Variants in CNTN5 observed in about 807,000 individuals in gnomAD.
CNTN5 encodes the protein contactin-5.
A neutral mutation model predicts 129.1 loss-of-function variants in CNTN5; 77 were observed. The observed-to-expected ratio is 0.60, with a 90% CI of 0.50 to 0.72. The LOEUF is 0.72. Ranked by LOEUF, CNTN5 falls within the 30% of genes least tolerant of loss-of-function variation. The pLI is 0.00. For missense variants in CNTN5, 1,478 were observed against 1,328.8 expected (o/e 1.11, Z -1.75); for synonymous variants, 509 against 465.6 (o/e 1.09, Z -1.20).
chr11:99,592,574 A>C (rs570295286), intron 3 of CNTN5, among the ~76,000 whole-genome samples: 1 of 152,296 alleles, frequency 6.6e-6, no homozygotes, highest in South Asian at 2.1e-4. Flanking sequence ...AGAACTGGAC[A>C]TCATGAGTAG....
intron 1 of CNTN5, among the ~76,000 whole-genome samples, chr11:99,206,188 T>C (rs1209971861): frequency 6.6e-6 from 1 of 152,140 alleles, no homozygotes; most frequent in African/African-American, 2.4e-5. Context: ...TTTGGGATTG[T>C]GCAGGTAGAT....
chr11:99,959,157 T>C (rs1038077969), intron 8 of CNTN5, among the ~76,000 whole-genome samples: 1 of 152,170 alleles, frequency 6.6e-6, no homozygotes, highest in African/African-American at 2.4e-5. Flanking sequence ...ACTCTTACCC[T>C]GTGACTGCCT....
chr11:99,889,323 TGTGTGTGTGTGTGTGTG>T (rs1948990328), intron 6 of CNTN5, among the ~76,000 whole-genome samples: 1 of 144,424 alleles, frequency 6.9e-6, no homozygotes, highest in Non-Finnish European at 1.5e-5. Flanking sequence ...TGTGTGTGTG[TGTGTGTGTGTGTGTGTG>T]TGTGTGTGTG....
intron 2 of CNTN5, among the ~76,000 whole-genome samples, chr11:99,418,451 G>T (rs770596846): frequency 6.6e-6 from 1 of 152,116 alleles, no homozygotes; most frequent in Non-Finnish European, 1.5e-5. Flanking sequence ...TGTTAAAAGC[G>T]CTCAAGTTCA....
At chr11:100,119,264 G>A (rs1945939219) in intron 13 of CNTN5, among the ~76,000 whole-genome samples, 1 of 151,978 alleles carries the variant, frequency 6.6e-6, no homozygotes. Flanking sequence ...TATTACTACA[G>A]CCAAACAAAA....
At chr11:100,155,356 C>G (rs899544413) in intron 13 of CNTN5, among the ~76,000 whole-genome samples, 2 of 151,994 alleles carry the variant, frequency 1.3e-5, no homozygotes, top group Non-Finnish European at 1.5e-5. Context: ...TTTCTGGGGC[C>G]TCTCTTCTGT....
chr11:99,362,923 G>T (rs1485022715), intron 2 of CNTN5, among the ~76,000 whole-genome samples: 2 of 151,910 alleles, frequency 1.3e-5, no homozygotes, highest in African/African-American at 4.8e-5. Flanking sequence ...TACTGTAGCC[G>T]TGCACTGTTT....
chr11:99,561,480 A>G (rs1052991425), intron 3 of CNTN5, among the ~76,000 whole-genome samples: 2 of 152,174 alleles, frequency 1.3e-5, no homozygotes, highest in Admixed American at 6.5e-5. Flanking sequence ...AGGAGGTGTG[A>G]AATAAATATC....
At chr11:100,275,317 A>G (rs948152810) in intron 18 of CNTN5, among the ~76,000 whole-genome samples, 7 of 152,248 alleles carry the variant, frequency 4.6e-5, no homozygotes, top group Non-Finnish European at 5.9e-5. Flanking sequence ...AATTAAGAGC[A>G]TAACAGGTTA....
At chr11:99,217,601 T>C (rs936801236) in intron 1 of CNTN5, among the ~76,000 whole-genome samples, 15 of 152,298 alleles carry the variant, frequency 9.8e-5, no homozygotes, top group South Asian at 2.1e-4. Context: ...AGGTCTGAGT[T>C]AGACAAGTCT....
chr11:99,581,961 T>C (rs1591312996), intron 3 of CNTN5, among the ~76,000 whole-genome samples: 1 of 152,078 alleles, frequency 6.6e-6, no homozygotes, highest in African/African-American at 2.4e-5. Context: ...CAGTGGCTGG[T>C]ACCAGTTGTT....
At chr11:99,759,310 C>T (rs1464781214) in intron 3 of CNTN5, among the ~76,000 whole-genome samples, 1 of 151,948 alleles carries the variant, frequency 6.6e-6, no homozygotes, top group Non-Finnish European at 1.5e-5. Flanking sequence ...GATAGATTTA[C>T]AGATTAGCCT....
chr11:99,856,887 G>T (rs1034654887), intron 6 of CNTN5, among the ~76,000 whole-genome samples: 1 of 151,970 alleles, frequency 6.6e-6, no homozygotes, highest in Non-Finnish European at 1.5e-5. Flanking sequence ...AGTATTTCAT[G>T]CTCATTTATG....
At chr11:99,563,893 A>G (rs1240612965) in intron 3 of CNTN5, among the ~76,000 whole-genome samples, 4 of 152,196 alleles carry the variant, frequency 2.6e-5, no homozygotes. Flanking sequence ...AGCAAATCCC[A>G]TGAGCCAAGA....
intron 6 of CNTN5, among the ~76,000 whole-genome samples, chr11:99,845,539 A>AT (rs1172597181): frequency 2.6e-5 from 4 of 151,258 alleles, no homozygotes; most frequent in Non-Finnish European, 4.4e-5. Context: ...CGCCCGGCTA[A>AT]TTTTTTGTAT....
At chr11:99,374,722 T>G (rs532282326) in intron 2 of CNTN5, among the ~76,000 whole-genome samples, 1 of 152,148 alleles carries the variant, frequency 6.6e-6, no homozygotes, top group East Asian at 1.9e-4. Flanking sequence ...AATATGGAAC[T>G]TAATGTCTGG....
intron 16 of CNTN5, among the ~76,000 whole-genome samples, chr11:100,231,922 G>A (rs1008459866): frequency 1.3e-5 from 2 of 152,164 alleles, no homozygotes; most frequent in African/African-American, 4.8e-5. Flanking sequence ...TGGAAGGCAA[G>A]GTGGGCAGAT....
intron 15 of CNTN5, among the ~76,000 whole-genome samples, chr11:100,209,560 AATTTCTAAT>A (rs1664597688): frequency 6.6e-6 from 1 of 152,224 alleles, no homozygotes; most frequent in South Asian, 2.1e-4. Context: ...GGGAAACATT[AATTTCTAAT>A]GAAAACATAA....
chr11:99,486,494 T>C (rs1394006963), intron 2 of CNTN5, among the ~76,000 whole-genome samples: 1 of 152,004 alleles, frequency 6.6e-6, no homozygotes, highest in African/African-American at 2.4e-5. Context: ...GTTTAGATAA[T>C]AGTCAGTATA....
Sources: allele counts gnomAD v4.1 joint callset (sites outside exome capture counted in the v4.1 genomes callset), GRCh38; gene constraint gnomAD v4.1.1; transcripts MANE v1.5; gene names NCBI Gene and HGNC (gene_info 2026-07-23, HGNC 2026-07-21).